Variants in SPOCK3 observed in about 807,000 individuals in gnomAD.
The protein encoded by SPOCK3 is SPARC (osteonectin), cwcv and kazal like domains proteoglycan 3.
Under a neutral mutation model 56.6 loss-of-function variants are expected in SPOCK3, and 30 were observed. That is an observed-to-expected ratio of 0.53 (90% CI 0.40 to 0.72). The LOEUF is 0.72. Among genes scored for constraint, SPOCK3 ranks in the 30% least tolerant of loss-of-function variants. SPOCK3 has a pLI of 0.00. For missense variants in SPOCK3, 527 were observed against 530.0 expected (o/e 0.99, Z 0.06); for synonymous variants, 196 against 183.3 (o/e 1.07, Z -0.56).
At chr4:167,102,676 C>A (rs564600459) in intron 2 of SPOCK3, 1 of 152,098 alleles carries the variant, frequency 6.6e-6, no homozygotes, top group Non-Finnish European at 1.5e-5. Flanking sequence ...AGCCAATGCC[C>A]ACACACAAAG....
intron 2 of SPOCK3, among the ~76,000 whole-genome samples, chr4:167,135,620 A>G (rs1318394649): frequency 1.3e-5 from 2 of 151,990 alleles, no homozygotes; most frequent in Admixed American, 1.3e-4. Context: ...AACCCAGAAC[A>G]TATACAATGT....
Position 166,734,087 on chromosome 4 carries a change from T to A in SPOCK3, c.*834A>T, listed in dbSNP as rs1473973596. 1 of 151,962 alleles carries A rather than the reference T, an allele frequency of 6.6e-6. No homozygotes were observed. Among genetic ancestry groups the A allele is most frequent in the Non-Finnish European group, 1.5e-5 (1 of 67,786 alleles). 9.4% of individuals were successfully genotyped at this position (151,962 alleles called of 1,614,324 possible). A position where few individuals can be genotyped will look rare whatever the true frequency, so the allele number is the denominator to read the frequency against. ...TTTGACCTTGGGGCAAATGACAAAC[T>A]TTGTAAAAATATGGTTTAAATGAAT... On this transcript the variant is annotated 3_prime_UTR_variant, in exon 11 of 11. Transcript: ENST00000357545.
intron 3 of SPOCK3, among the ~76,000 whole-genome samples, chr4:167,031,788 C>T (rs1752301765): frequency 6.6e-6 from 1 of 151,960 alleles, no homozygotes; most frequent in African/African-American, 2.4e-5. Flanking sequence ...CCTCTTCATG[C>T]CAATGTGTTT....
rs139622683 is a variant in SPOCK3 at position 166,750,341 on chromosome 4, C to T, written c.931+4167G>A. ...GGACAGAATCAGACTATTAGGTCTA[C>T]ACAGGGTAAGGACTAATAGGTCAGC... On this transcript the variant is annotated intron_variant, in intron 8 of 10. Transcript: ENST00000357545. Among the ~76,000 whole-genome samples, 34 of 152,128 alleles carry T rather than the reference C, an allele frequency of 2.2e-4. 1 individual carries two copies. The East Asian group carries it at 6.6e-3, about 29-fold the overall frequency.
At chr4:167,041,751 T>C (rs1364813055) in intron 3 of SPOCK3, among the ~76,000 whole-genome samples, 2 of 152,162 alleles carry the variant, frequency 1.3e-5, no homozygotes, top group African/African-American at 4.8e-5. Context: ...ATGGAAGTAT[T>C]TTGAATGCTG....
At chr4:166,795,751 AT>A (rs529667862) in intron 6 of SPOCK3, among the ~76,000 whole-genome samples, 2 of 152,070 alleles carry the variant, frequency 1.3e-5, no homozygotes, top group Admixed American at 1.3e-4. Context: ...GTCAATAAAT[AT>A]TTTTTTCAGG....
At chr4:166,945,120 GT>G (rs1344091235) in intron 4 of SPOCK3, among the ~76,000 whole-genome samples, 1 of 151,978 alleles carries the variant, frequency 6.6e-6, no homozygotes, top group Non-Finnish European at 1.5e-5. Context: ...TGTTAACTTT[GT>G]TTCAGTTTAG....
Position 166,991,542 on chromosome 4 carries a change from G to C in SPOCK3, c.350+8807C>G, listed in dbSNP as rs549466967. On this transcript the variant is annotated intron_variant, in intron 4 of 10. Coordinates refer to ENST00000357545, the MANE Select transcript of SPOCK3 (RefSeq NM_001040159.2). ...GCGCCACAACACCCTGCTAATTTTT[G>C]TATTTTTAGTAGACACAGGGTTTCA... is the stretch of plus-strand genomic sequence containing the variant. 2.2e-3 allele frequency among the ~76,000 whole-genome samples: 331 copies of C among 151,680 alleles called. 1 individual carries two copies. Among genetic ancestry groups the C allele is most frequent in the Non-Finnish European group, 4.0e-3 (269 of 67,910 alleles).
At chr4:167,072,735 T>C (rs1324890728) in intron 2 of SPOCK3, among the ~76,000 whole-genome samples, 1 of 151,922 alleles carries the variant, frequency 6.6e-6, no homozygotes, top group Non-Finnish European at 1.5e-5. Context: ...TACAGATGAA[T>C]TTATCATATT....
intron 6 of SPOCK3, among the ~76,000 whole-genome samples, chr4:166,830,724 C>A (rs941888613): frequency 6.6e-6 from 1 of 151,958 alleles, no homozygotes; most frequent in African/African-American, 2.4e-5. Flanking sequence ...CAGAGTAAGA[C>A]TTTGTCTCCC....
At chr4:167,036,806 A>T (rs532403154) in intron 3 of SPOCK3, among the ~76,000 whole-genome samples, 28 of 152,168 alleles carry the variant, frequency 1.8e-4, no homozygotes, top group Admixed American at 1.2e-3. Context: ...TTTTTTTAAT[A>T]TTTAGATGGC....
chr4:166,841,225 G>T (rs938228961), intron 6 of SPOCK3, among the ~76,000 whole-genome samples: 3 of 152,142 alleles, frequency 2.0e-5, no homozygotes, highest in African/African-American at 7.2e-5. Context: ...GCTTTAAGGA[G>T]CTGTGGCAAT....
intron 4 of SPOCK3, among the ~76,000 whole-genome samples, chr4:166,954,228 C>T (rs949739773): frequency 1.3e-5 from 2 of 152,046 alleles, no homozygotes; most frequent in African/African-American, 2.4e-5. Flanking sequence ...ATATAGTTTG[C>T]AAATATATTC....
rs1553989682 is a variant in SPOCK3, at chr4:166,860,802, C to CATATATATATATATGTATATAT, written c.589+28306_589+28327dup. On this transcript the variant is annotated intron_variant, in intron 6 of 10. Coordinates refer to ENST00000357545, the MANE Select transcript of SPOCK3 (RefSeq NM_001040159.2). ...ACACGTGTACATGCACACACAAATT[C>CATATATATATATATGTATATAT]ATATATATATATATGTATATATATA... Among the ~76,000 whole-genome samples the CATATATATATATATGTATATAT allele has an allele frequency of 5.3e-3, 542 of 101,924 alleles. 19 individuals carry two copies. The highest frequency in any genetic ancestry group is 0.019 in the African/African-American group (509 of 26,290). The allele number at this position is 101,924 out of a possible 152,430, so 66.9% of individuals were successfully genotyped here.
chr4:166,839,398 G>A (rs1455221682), intron 6 of SPOCK3, among the ~76,000 whole-genome samples: 1 of 152,104 alleles, frequency 6.6e-6, no homozygotes, highest in African/African-American at 2.4e-5. Context: ...ACCACTGGGT[G>A]GTAGTGAAAG....
At chr4:166,993,479 A>T (rs1748024157) in intron 4 of SPOCK3, among the ~76,000 whole-genome samples, 1 of 152,108 alleles carries the variant, frequency 6.6e-6, no homozygotes, top group Non-Finnish European at 1.5e-5. Flanking sequence ...AACCCACCAA[A>T]GCTATGCCCA....
chr4:167,171,539 GATA>G (rs764498689), intron 2 of SPOCK3, among the ~76,000 whole-genome samples: 32 of 152,028 alleles, frequency 2.1e-4, no homozygotes, highest in South Asian at 4.1e-4. Context: ...ACAATCATTA[GATA>G]ATAATATAAT....
chr4:166,928,638 A>G (rs921418035), intron 4 of SPOCK3, among the ~76,000 whole-genome samples: 9 of 152,292 alleles, frequency 5.9e-5, no homozygotes, highest in African/African-American at 2.2e-4. Context: ...GTCCAAACCC[A>G]TAGAATGTAC....
intron 2 of SPOCK3, among the ~76,000 whole-genome samples, chr4:167,204,107 A>C: frequency 6.6e-6 from 1 of 152,012 alleles, no homozygotes; most frequent in East Asian, 1.9e-4. Context: ...GGTATGAGTG[A>C]AATTGTTGTA....
Sources: gnomAD v4.1 joint callset for allele counts (sites outside exome capture counted in the v4.1 genomes callset) on GRCh38, gnomAD v4.1.1 for gene constraint, MANE v1.5 for transcripts, NCBI Gene and HGNC (gene_info 2026-07-23, HGNC 2026-07-21) for gene names.